VAPA: variants seen among roughly 807,000 people sequenced by gnomAD.
VAPA encodes the protein vesicle-associated membrane protein-associated protein A.
Under a neutral mutation model 25.6 loss-of-function variants are expected in VAPA, and 6 were observed. The ratio of observed to expected loss-of-function variants is 0.23; its 90% CI spans 0.13 to 0.46. The LOEUF is 0.46. Ranked by LOEUF, VAPA falls within the 20% of genes least tolerant of loss-of-function variation. The probability of loss-of-function intolerance (pLI) is 0.99; values close to 1 mark genes in which losing one functional copy is unlikely to be tolerated. For synonymous variants in VAPA, 112 were observed against 106.2 expected, an observed-to-expected ratio of 1.05 and a Z score of -0.34; for missense variants, 244 against 302.1, an observed-to-expected ratio of 0.81 and a Z score of 1.43.
At chr18:9,932,587 G>A (rs1432308775) in intron 2 of VAPA, among the ~76,000 whole-genome samples, 1 of 152,106 alleles carries the variant, frequency 6.6e-6, no homozygotes, top group Non-Finnish European at 1.5e-5. Context: ...TTCTTTCTCA[G>A]TCCCTCTGAC....
At chr18:9,914,885 ACCCCTG>A (rs1216973299) in intron 1 of VAPA, 1 of 150,936 alleles carries the variant, frequency 6.6e-6, no homozygotes, top group African/African-American at 2.4e-5. Context: ...CCGCCCCCCG[ACCCCTG>A]CCCCGGCCCG....
At chr18:9,922,370 A>G (rs1224810871) in intron 1 of VAPA, among the ~76,000 whole-genome samples, 1 of 152,196 alleles carries the variant, frequency 6.6e-6, no homozygotes, top group Non-Finnish European at 1.5e-5. Context: ...TTTTCTTTGC[A>G]TAATCATGAT....
intron 4 of VAPA, chr18:9,950,141 G>A (rs1318981025): frequency 2.7e-6 from 1 of 369,672 alleles, no homozygotes; most frequent in African/African-American, 2.2e-5. Context: ...AGCCTTTGAA[G>A]TATTACAGGA....
chr18:9,941,604 TA>T (rs201624673), intron 4 of VAPA, among the ~76,000 whole-genome samples: 1,674 of 151,568 alleles, frequency 0.011, 30 homozygotes, highest in African/African-American at 0.037. Flanking sequence ...TAAAACTGGT[TA>T]AAAAAAAAGT....
chr18:9,935,290 G>A (rs574453715), intron 2 of VAPA, among the ~76,000 whole-genome samples: 1 of 151,630 alleles, frequency 6.6e-6, no homozygotes, highest in Admixed American at 6.6e-5. Flanking sequence ...ACAATATATG[G>A]GCTGGGTGCT....
At chr18:9,935,838 G>A (rs2069304369) in intron 2 of VAPA, among the ~76,000 whole-genome samples, 1 of 152,104 alleles carries the variant, frequency 6.6e-6, no homozygotes, top group South Asian at 2.1e-4. Context: ...TATTTTGTTG[G>A]TTGTGCAAAA....
rs200972873 is a variant in VAPA at position 9,959,679 on chromosome 18, ATGTG to A, written c.*5477_*5480del. 1 of 142,532 alleles carries A rather than the reference ATGTG, an allele frequency of 7.0e-6. No individual in the cohort carries two copies. Among genetic ancestry groups the A allele is most frequent in the African/African-American group, 2.6e-5 (1 of 37,840 alleles). 8.8% of individuals were successfully genotyped at this position (142,532 alleles called of 1,614,324 possible). On this transcript the variant is annotated 3_prime_UTR_variant, in exon 6 of 6. Transcript: ENST00000400000. Reference sequence around the variant, plus strand: ...AAGAACCCTGAGGAAAAATAATACAATGTGTGTGTGTGAGAGAGAGAGTGAGTTA... The same window carrying A: ...AAGAACCCTGAGGAAAAATAATACAATGTGTGTGAGAGAGAGAGTGAGTTA...
At chr18:9,926,615 G>GGT (rs1227453966) in intron 1 of VAPA, among the ~76,000 whole-genome samples, 1 of 152,112 alleles carries the variant, frequency 6.6e-6, no homozygotes, top group Non-Finnish European at 1.5e-5. Context: ...AGGTGACAGA[G>GGT]GTGTTCGGGT....
At chr18:9,947,194 A>G (rs762875251) in intron 4 of VAPA, among the ~76,000 whole-genome samples, 34 of 129,122 alleles carry the variant, frequency 2.6e-4, no homozygotes, top group Non-Finnish European at 5.0e-4. Flanking sequence ...TAGAAGGAGT[A>G]CACTCTAAAA....
In VAPA at chr18:9,957,656, G is replaced by A. The variant is rs2069564900; in HGVS notation, c.*3445G>A. 6.6e-6 allele frequency: 1 copy of A among 152,134 alleles called. No homozygotes were observed. The highest frequency in any genetic ancestry group is 1.5e-5 in the Non-Finnish European group (1 of 68,016). 9.4% of individuals were successfully genotyped at this position (152,134 alleles called of 1,614,324 possible). A position where few individuals can be genotyped will look rare whatever the true frequency, so the allele number is the denominator to read the frequency against. On this transcript the variant is annotated 3_prime_UTR_variant, in exon 6 of 6. Transcript: ENST00000400000. ...TGATCTTTATTTTCTAGCTTTAAAG[G>A]GAAATTAAACCATTCATGAATAAAC... is the stretch of plus-strand genomic sequence containing the variant.
intron 4 of VAPA, chr18:9,948,996 T>C (rs2069457123): frequency 6.6e-6 from 1 of 152,234 alleles, no homozygotes; most frequent in South Asian, 2.1e-4. Flanking sequence ...AGTAAGTCAG[T>C]GTGCCAACCT....
At chr18:9,935,442 C>T (rs1464208142) in intron 2 of VAPA, among the ~76,000 whole-genome samples, 3 of 152,092 alleles carry the variant, frequency 2.0e-5, no homozygotes. Context: ...GGCATGGTGG[C>T]ATGTGGCTAT....
Position 9,950,613 on chromosome 18 carries a change from A to G in VAPA, c.591+45A>G, listed in dbSNP as rs769648746. 7 of 1,576,756 alleles carry G rather than the reference A, an allele frequency of 4.4e-6. No homozygotes were observed. The South Asian group carries it at 7.0e-5, about 16-fold the overall frequency. ...AATAAATTGATTGAAATGAAGGTAT[A>G]GGACATGTGAGTGTTATTAGGCCAT... On this transcript the variant is annotated intron_variant, in intron 5 of 5. Coordinates refer to ENST00000400000, the MANE Select transcript of VAPA (RefSeq NM_194434.3).
In VAPA at chr18:9,914,088, C is replaced by G. The variant is rs1322871498; in HGVS notation, c.-169C>G. 1 of 545,450 alleles carries G rather than the reference C, an allele frequency of 1.8e-6. No homozygotes were observed. Among genetic ancestry groups the G allele is most frequent in the African/African-American group, 2.0e-5 (1 of 49,096 alleles). 33.8% of individuals were successfully genotyped at this position (545,450 alleles called of 1,614,324 possible). A position where few individuals can be genotyped will look rare whatever the true frequency, so the allele number is the denominator to read the frequency against. On this transcript the variant is annotated 5_prime_UTR_variant, in exon 1 of 6. Coordinates refer to ENST00000400000, the MANE Select transcript of VAPA (RefSeq NM_194434.3). Reference sequence around the variant, plus strand: ...CAGTTGTGGGACCCGGAGCTGCTGACCCAGCGGGTGGCCCACCGAACCGGT... The same window carrying G: ...CAGTTGTGGGACCCGGAGCTGCTGAGCCAGCGGGTGGCCCACCGAACCGGT...
chr18:9,915,279 G>A (rs1328988407), intron 1 of VAPA, among the ~76,000 whole-genome samples: 1 of 152,172 alleles, frequency 6.6e-6, no homozygotes, highest in Non-Finnish European at 1.5e-5. Context: ...GGCTGATAAG[G>A]TGTCACCCAG....
At chr18:9,943,386 A>C (rs1482755704) in intron 4 of VAPA, among the ~76,000 whole-genome samples, 4 of 152,176 alleles carry the variant, frequency 2.6e-5, no homozygotes, top group Non-Finnish European at 5.9e-5. Flanking sequence ...AGCATAAGCA[A>C]ATACCATCCT....
At chr18:9,928,597 C>G (rs138087967) in intron 1 of VAPA, among the ~76,000 whole-genome samples, 1 of 152,160 alleles carries the variant, frequency 6.6e-6, no homozygotes, top group East Asian at 1.9e-4. Context: ...CTTCATAACT[C>G]ATTTTTATAT....
intron 1 of VAPA, among the ~76,000 whole-genome samples, chr18:9,926,932 C>T (rs1451084736): frequency 6.6e-6 from 1 of 152,128 alleles, no homozygotes; most frequent in Non-Finnish European, 1.5e-5. Context: ...AAACACACCT[C>T]TGAGTAACTA....
intron 4 of VAPA, among the ~76,000 whole-genome samples, chr18:9,938,414 C>T (rs977740464): frequency 1.2e-4 from 18 of 152,080 alleles, no homozygotes; most frequent in African/African-American, 1.9e-4. Flanking sequence ...GGGAATGATA[C>T]GGCAATGACA....
Sources: allele counts gnomAD v4.1 joint callset (sites outside exome capture counted in the v4.1 genomes callset), GRCh38; gene constraint gnomAD v4.1.1; transcripts MANE v1.5; gene names NCBI Gene and HGNC (gene_info 2026-07-23, HGNC 2026-07-21).